The following GUCY2C variants were observed in gnomAD, a reference collection of about 807,000 sequenced individuals.
The protein encoded by GUCY2C is guanylate cyclase 2C, also known as guanylyl cyclase C.
A neutral mutation model predicts 131.1 loss-of-function variants in GUCY2C; 118 were observed. That is an observed-to-expected ratio of 0.90 (90% CI 0.78 to 1.05). The LOEUF is 1.05. Among genes scored for constraint, GUCY2C ranks in the 50% least tolerant of loss-of-function variants. The probability of loss-of-function intolerance (pLI) is 0.00; values close to 1 mark genes in which losing one functional copy is unlikely to be tolerated. For missense variants in GUCY2C, 1,161 were observed against 1,304.4 expected, an observed-to-expected ratio of 0.89 and a Z score of 1.69; for synonymous variants, 452 against 457.8, an observed-to-expected ratio of 0.99 and a Z score of 0.16.
At chr12:14,686,347 A>C in intron 2 of GUCY2C, 122 bp from the exon 3 acceptor site, 1 of 689,774 alleles carries the variant, frequency 1.4e-6, no homozygotes, top group Non-Finnish European at 2.6e-6. Flanking sequence ...AAATGCTCAA[A>C]CTCAGAGCAA....
At chr12:14,652,854 C>T in intron 13 of GUCY2C, 98 bp downstream of exon 13, 1 of 828,920 alleles carries the variant, frequency 1.2e-6, no homozygotes, top group South Asian at 1.3e-5. Flanking sequence ...CTGGGGACTC[C>T]CACCATTGTG....
At chr12:14,632,775 A>C (rs1377071882) in intron 19 of GUCY2C, among the ~76,000 whole-genome samples, 1 of 152,132 alleles carries the variant, frequency 6.6e-6, no homozygotes. Flanking sequence ...GCACCCTCCC[A>C]GTGCTTCAGC....
chr12:14,666,336 C>G (rs749999628), intron 10 of GUCY2C, among the ~76,000 whole-genome samples: 18 of 152,228 alleles, frequency 1.2e-4, no homozygotes, highest in Non-Finnish European at 2.2e-4. Flanking sequence ...CAGCTGCGGG[C>G]ATTCATCTAC....
At chr12:14,644,918 C>G (rs1947488562) in intron 16 of GUCY2C, among the ~76,000 whole-genome samples, 2 of 151,624 alleles carry the variant, frequency 1.3e-5, no homozygotes, top group South Asian at 4.2e-4. Flanking sequence ...AGTTGTCTTT[C>G]TTGTAGTTTT....
Position 14,651,995 on chromosome 12 carries a change from A to T in GUCY2C, c.1569T>A (p.Gly523=), listed in dbSNP as rs1267704844. The T allele has an allele frequency of 9.4e-6, 15 of 1,603,126 alleles. No individual in the cohort carries two copies. The Admixed American group carries it at 2.0e-4, about 21-fold the overall frequency. ...CTATCTTCTGTTTTTCAGTGAAATT[A>T]CCATCATTGTGCTTGAGATCTTTGA... ...VILKDLKHND[G]NFTEKQKIEL... Residue 523 remains glycine, a synonymous_variant, in exon 14 of 27, where the codon GGT becomes GGA. Transcript: ENST00000261170.
Position 14,616,731 on chromosome 12 carries a change from G to C in GUCY2C, c.2876-4C>G, listed in dbSNP as rs888319549. ...CCACTCACGTGAATTCTCAAAGCTG[G>C]AAATGCAAATTGACAAATAAAAATC... is the stretch of plus-strand genomic sequence containing the variant. On this transcript the variant is annotated splice_region_variant and splice_polypyrimidine_tract_variant and intron_variant, in intron 24 of 26. Transcript: ENST00000261170. 6.4e-6 allele frequency: 10 copies of C among 1,572,360 alleles called. No individual in the cohort carries two copies. Among genetic ancestry groups the C allele is most frequent in the Non-Finnish European group, 7.9e-6 (9 of 1,142,142 alleles).
chr12:14,643,465 G>T, intron 17 of GUCY2C, 109 bp downstream of exon 17: 1 of 905,722 alleles, frequency 1.1e-6, no homozygotes, highest in Non-Finnish European at 1.7e-6. Flanking sequence ...TGTCTCTTGT[G>T]GCTTTAAGTG....
intron 5 of GUCY2C, among the ~76,000 whole-genome samples, chr12:14,680,273 C>T (rs1948324818): frequency 6.6e-6 from 1 of 152,116 alleles, no homozygotes; most frequent in South Asian, 2.1e-4. Context: ...AACTCCAATG[C>T]CAGAGTCCAG....
chr12:14,691,305 G>A (rs1310958264), intron 1 of GUCY2C, among the ~76,000 whole-genome samples: 1 of 152,190 alleles, frequency 6.6e-6, no homozygotes, highest in Non-Finnish European at 1.5e-5. Context: ...AAGAGAAGTG[G>A]GGAGTGATGG....
rs571896678 is a variant in GUCY2C at position 14,624,043 on chromosome 12, G to A, written c.2408+1714C>T. On this transcript the variant is annotated intron_variant, in intron 21 of 26. Transcript: ENST00000261170. ...AGAGAAACTCATGTTGTAAATAAACGAAGGAAGGGCTGGGAGTTAACATGA... is the reference window on the plus strand; with the variant it reads ...AGAGAAACTCATGTTGTAAATAAACAAAGGAAGGGCTGGGAGTTAACATGA... 1.7e-4 allele frequency among the ~76,000 whole-genome samples: 26 copies of A among 152,266 alleles called. No homozygotes were observed. The South Asian group carries it at 4.8e-3, about 28-fold the overall frequency.
intron 26 of GUCY2C, 124 bp downstream of exon 26, chr12:14,614,743 A>G: frequency 1.6e-6 from 1 of 629,218 alleles, no homozygotes; most frequent in Non-Finnish European, 2.8e-6. Flanking sequence ...CTTCTCATGT[A>G]TAGTCCCTTA....
At chr12:14,640,404 C>CCAAGT (rs1947370448) in intron 18 of GUCY2C, among the ~76,000 whole-genome samples, 1 of 146,792 alleles carries the variant, frequency 6.8e-6, no homozygotes, top group Non-Finnish European at 1.5e-5. Flanking sequence ...TTGCAATGAG[C>CCAAGT]CAAGATCACA....
chr12:14,635,978 C>T (rs1410471411), intron 19 of GUCY2C, among the ~76,000 whole-genome samples: 2 of 152,126 alleles, frequency 1.3e-5, no homozygotes, highest in African/African-American at 2.4e-5. Flanking sequence ...AGTCTCCCAA[C>T]AAAGAAAAGT....
chr12:14,685,447 G>A (rs1366673021), intron 3 of GUCY2C, among the ~76,000 whole-genome samples: 1 of 152,200 alleles, frequency 6.6e-6, no homozygotes, highest in Non-Finnish European at 1.5e-5. Flanking sequence ...TTTTCTCTGT[G>A]TCGATGAAGC....
intron 1 of GUCY2C, among the ~76,000 whole-genome samples, chr12:14,694,806 A>G (rs1241795879): frequency 1.3e-5 from 2 of 152,198 alleles, no homozygotes; most frequent in South Asian, 2.1e-4. Context: ...CCTTAAAACC[A>G]CAAATAACCA....
intron 19 of GUCY2C, among the ~76,000 whole-genome samples, chr12:14,632,532 G>A (rs1336759455): frequency 2.0e-5 from 3 of 152,218 alleles, no homozygotes; most frequent in Non-Finnish European, 4.4e-5. Flanking sequence ...ATTTCCTTCA[G>A]AGGAAGGATA....
intron 11 of GUCY2C, among the ~76,000 whole-genome samples, chr12:14,657,117 T>C (rs1214217820): frequency 1.3e-5 from 2 of 152,234 alleles, no homozygotes. Context: ...GGCCATGGAC[T>C]GGGGTTTGGG....
chr12:14,643,421 A>T (rs1424618067), intron 17 of GUCY2C, among the ~76,000 whole-genome samples, 153 bp downstream of exon 17: 1 of 152,210 alleles, frequency 6.6e-6, no homozygotes, highest in Non-Finnish European at 1.5e-5. Context: ...TCGTTGACTG[A>T]CAAGTGTGAA....
At chr12:14,658,975 A>G (rs1004689142) in intron 11 of GUCY2C, among the ~76,000 whole-genome samples, 1 of 151,938 alleles carries the variant, frequency 6.6e-6, no homozygotes, top group East Asian at 1.9e-4. Context: ...TCAGATGAAG[A>G]AATTGAAGCT....
Sources: gnomAD v4.1 joint callset for allele counts (sites outside exome capture counted in the v4.1 genomes callset) on GRCh38, gnomAD v4.1.1 for gene constraint, MANE v1.5 for transcripts, NCBI Gene and HGNC (gene_info 2026-07-23, HGNC 2026-07-21) for gene names.